The following LNX1 variants were observed in gnomAD, a reference collection of about 807,000 sequenced individuals.
LNX1 encodes the protein E3 ubiquitin-protein ligase LNX.
A neutral mutation model predicts 68.4 loss-of-function variants in LNX1; 54 were observed. The observed-to-expected ratio is 0.79, with a 90% CI of 0.63 to 0.99. The LOEUF is 0.99. Ranked by LOEUF, LNX1 falls within the 50% of genes least tolerant of loss-of-function variation. LNX1 has a pLI of 0.00. For synonymous variants in LNX1, 336 were observed against 350.0 expected, an observed-to-expected ratio of 0.96 and a Z score of 0.45; for missense variants, 906 against 926.4, an observed-to-expected ratio of 0.98 and a Z score of 0.29.
rs377140535 is a variant in LNX1, at chr4:53,540,963, C to G, written c.380+32660G>C. 7.0e-4 allele frequency among the ~76,000 whole-genome samples: 107 copies of G among 151,846 alleles called. 2 individuals carry two copies. In the South Asian group the frequency reaches 0.021, roughly 30 times the overall value. On this transcript the variant is annotated intron_variant, in intron 2 of 10. Transcript: ENST00000263925. ...ACTAGCCTGGCCAACATGGTGAAACCCTGTCTCTTCTAAAAATACAAAAAT... is the reference window on the plus strand; with the variant it reads ...ACTAGCCTGGCCAACATGGTGAAACGCTGTCTCTTCTAAAAATACAAAAAT...
chr4:53,597,402 C>T (rs932402741), intron 2 of LNX1, among the ~76,000 whole-genome samples: 2 of 152,196 alleles, frequency 1.3e-5, no homozygotes, highest in African/African-American at 4.8e-5. Flanking sequence ...ATGCCACCAC[C>T]TGCCAGCCCC....
intron 1 of LNX1, among the ~76,000 whole-genome samples, chr4:53,645,958 C>T (rs1734870768): frequency 1.3e-5 from 2 of 152,300 alleles, no homozygotes; most frequent in South Asian, 4.1e-4. Flanking sequence ...TACTCCAAGT[C>T]AGATGAGGAA....
intron 5 of LNX1, among the ~76,000 whole-genome samples, chr4:53,497,921 A>G (rs1478756458): frequency 6.6e-6 from 1 of 152,180 alleles, no homozygotes; most frequent in Admixed American, 6.5e-5. Flanking sequence ...CTGTTATCTG[A>G]GTGTCAGATA....
chr4:53,565,661 G>A (rs1220673181), intron 2 of LNX1, among the ~76,000 whole-genome samples: 5 of 152,138 alleles, frequency 3.3e-5, no homozygotes, highest in East Asian at 1.9e-4. Context: ...TGACTTTGAC[G>A]AGCTGAGAGA....
intron 1 of LNX1, chr4:53,579,237 G>C: frequency 2.0e-6 from 2 of 982,372 alleles, no homozygotes; most frequent in Non-Finnish European, 2.4e-6. Flanking sequence ...GGAGTGGATT[G>C]ATTCCCTCCT....
chr4:53,610,164 G>A (rs1733422669), intron 2 of LNX1, among the ~76,000 whole-genome samples: 2 of 151,916 alleles, frequency 1.3e-5, no homozygotes, highest in Non-Finnish European at 1.5e-5. Flanking sequence ...GACTGATCAG[G>A]TACCTGACTA....
chr4:53,472,204 G>A (rs989036450), intron 9 of LNX1, among the ~76,000 whole-genome samples: 2 of 152,098 alleles, frequency 1.3e-5, no homozygotes, highest in Non-Finnish European at 2.9e-5. Flanking sequence ...GGATGAAGCT[G>A]GAAACCATCA....
chr4:53,585,390 G>C (rs1388838405), intron 1 of LNX1, among the ~76,000 whole-genome samples: 3 of 152,168 alleles, frequency 2.0e-5, no homozygotes, highest in Admixed American at 2.0e-4. Context: ...CTCTCCATAA[G>C]TAGTTGGAAG....
chr4:53,570,730 A>G (rs909272811), intron 2 of LNX1, among the ~76,000 whole-genome samples: 2 of 151,454 alleles, frequency 1.3e-5, no homozygotes, highest in African/African-American at 4.8e-5. Context: ...ATATTTTCAA[A>G]AAAAAAGAAT....
intron 9 of LNX1, among the ~76,000 whole-genome samples, chr4:53,469,445 G>A (rs1345174548): frequency 6.6e-6 from 1 of 152,124 alleles, no homozygotes; most frequent in Admixed American, 6.5e-5. Context: ...AGAAGCAAGA[G>A]CAAACACATT....
At chr4:53,534,031 C>T (rs1322371317) in intron 2 of LNX1, among the ~76,000 whole-genome samples, 3 of 152,210 alleles carry the variant, frequency 2.0e-5, no homozygotes, top group African/African-American at 7.2e-5. Context: ...AAAGCATGAG[C>T]ACTGACAGTC....
chr4:53,512,158 G>A (rs1056669988), intron 2 of LNX1, among the ~76,000 whole-genome samples: 43 of 152,280 alleles, frequency 2.8e-4, no homozygotes, highest in East Asian at 2.5e-3. Flanking sequence ...AGTGCTGCTT[G>A]ACTTAAGGAC....
At chr4:53,642,223 TAAA>T (rs745476837) in intron 1 of LNX1, among the ~76,000 whole-genome samples, 5 of 96,256 alleles carry the variant, frequency 5.2e-5, no homozygotes, top group Admixed American at 1.2e-4. Flanking sequence ...AATCCTATCT[TAAA>T]AAAAAAAAAA....
Position 53,558,269 on chromosome 4 carries a change from C to T in LNX1, c.380+15354G>A, listed in dbSNP as rs1302319078. ...AGGAACCAGCCCCTCCTGCAGGATG[C>T]GGACTGGTTCTTGGGAAGCAGCTGG... On this transcript the variant is annotated intron_variant, in intron 2 of 10. Transcript: ENST00000263925. The T allele has an allele frequency of 6.0e-5, 70 of 1,158,648 alleles. 2 individuals carry two copies. In the South Asian group the frequency reaches 8.6e-4, roughly 14 times the overall value. The allele number at this position is 1,158,648 out of a possible 1,614,324, so 71.8% of individuals were successfully genotyped here.
chr4:53,635,803 T>A (rs1225189969), intron 1 of LNX1, among the ~76,000 whole-genome samples: 2 of 152,190 alleles, frequency 1.3e-5, no homozygotes, highest in African/African-American at 4.8e-5. Flanking sequence ...CTGTGCCCAG[T>A]AATTCAAGTT....
At position 53,541,149 on chromosome 4, in the gene LNX1, A is replaced by AAG. The variant is rs1553936116; in HGVS notation, c.380+32473_380+32474insCT. ...GAGACTCTAACTCAAAAAAAAAAGA[A>AAG]AAAAAAAAAAGAAAGAAAAGAAAAG... On this transcript the variant is annotated intron_variant, in intron 2 of 10. Coordinates refer to ENST00000263925, the MANE Select transcript of LNX1 (RefSeq NM_001126328.3). 8.6e-4 allele frequency among the ~76,000 whole-genome samples: 33 copies of AAG among 38,230 alleles called. 1 individual carries two copies. Among genetic ancestry groups the AAG allele is most frequent in the Non-Finnish European group, 2.5e-4 (4 of 16,280 alleles). The allele number at this position is 38,230 out of a possible 152,430, so 25.1% of individuals were successfully genotyped here. A position where few individuals can be genotyped will look rare whatever the true frequency, so the allele number is the denominator to read the frequency against.
chr4:53,652,016 TGTGTGA>T (rs200936024), intron 1 of LNX1, among the ~76,000 whole-genome samples: 3,853 of 116,062 alleles, frequency 0.033, 60 homozygotes, highest in Middle Eastern at 0.043. Context: ...TTGATGTGTG[TGTGTGA>T]GAGAGAGAGA....
At chr4:53,483,984 G>C (rs1486267654) in intron 6 of LNX1, among the ~76,000 whole-genome samples, 2 of 152,166 alleles carry the variant, frequency 1.3e-5, no homozygotes, top group African/African-American at 2.4e-5. Context: ...CATGAAGGCA[G>C]GTCCCTCCTA....
chr4:53,551,715 A>G (rs914603970), intron 2 of LNX1, among the ~76,000 whole-genome samples: 1 of 151,950 alleles, frequency 6.6e-6, no homozygotes, highest in African/African-American at 2.4e-5. Context: ...GGCTGATCTC[A>G]AGTCACCCGC....
Sources: allele counts gnomAD v4.1 joint callset (sites outside exome capture counted in the v4.1 genomes callset), GRCh38; gene constraint gnomAD v4.1.1; transcripts MANE v1.5; gene names NCBI Gene and HGNC (gene_info 2026-07-23, HGNC 2026-07-21).